Variants in ACTR3 observed in about 807,000 individuals in gnomAD.
ACTR3 encodes actin related protein 3.
Under a neutral mutation model 56.8 loss-of-function variants are expected in ACTR3, and 12 were observed. That is an observed-to-expected ratio of 0.21 (90% confidence interval 0.14 to 0.34). The LOEUF is 0.34. ACTR3 is among the 10% of genes least tolerant of loss of function. The probability of loss-of-function intolerance (pLI) is 1.00; values close to 1 mark genes in which losing one functional copy is unlikely to be tolerated. For missense variants in ACTR3, 282 were observed against 512.5 expected, an observed-to-expected ratio of 0.55 and a Z score of 4.34; for synonymous variants, 162 against 167.4, an observed-to-expected ratio of 0.97 and a Z score of 0.25.
At chr2:113,890,789 C>A in intron 1 of ACTR3, 1 of 1,005,648 alleles carries the variant, frequency 9.9e-7, no homozygotes, top group South Asian at 4.3e-5. Context: ...GTAGGTTTGA[C>A]AAGATCGCTG....
At chr2:113,917,661 T>C (rs1679432004) in intron 3 of ACTR3, among the ~76,000 whole-genome samples, 1 of 152,244 alleles carries the variant, frequency 6.6e-6, no homozygotes, top group African/African-American at 2.4e-5. Flanking sequence ...TTTGCAAATA[T>C]CCTCCTTTGT....
In ACTR3 at chr2:113,941,684, C is replaced by T. The variant is rs564241152; in HGVS notation, c.685-502C>T. On this transcript the variant is annotated intron_variant, in intron 7 of 11. Transcript: ENST00000263238. ...TTAGGTCATATAACCAAATATGCAA[C>T]AAAATAGAGTAATTTATATTTTTAG... Among the ~76,000 whole-genome samples, 3 of 152,222 alleles carry T rather than the reference C, an allele frequency of 2.0e-5. No individual in the cohort carries two copies. The East Asian group carries it at 5.8e-4, about 29-fold the overall frequency.
chr2:113,934,532 C>T, intron 6 of ACTR3, 146 bp downstream of exon 6: 1 of 477,392 alleles, frequency 2.1e-6, no homozygotes, highest in Non-Finnish European at 3.7e-6. Flanking sequence ...GTTTTGCTCA[C>T]CGTTTAAAAC....
At chr2:113,925,264 T>A (rs543799888) in intron 3 of ACTR3, among the ~76,000 whole-genome samples, 78 of 150,172 alleles carry the variant, frequency 5.2e-4, no homozygotes, top group African/African-American at 1.8e-3. Context: ...GGAGTGATCT[T>A]GGCTCACTGC....
chr2:113,915,703 G>C (rs1679392302), intron 2 of ACTR3, among the ~76,000 whole-genome samples: 1 of 152,094 alleles, frequency 6.6e-6, no homozygotes, highest in Non-Finnish European at 1.5e-5. Flanking sequence ...TTGATTTTTT[G>C]AACCATTGGA....
intron 1 of ACTR3, among the ~76,000 whole-genome samples, chr2:113,892,287 C>T (rs540554377): frequency 6.6e-6 from 1 of 152,272 alleles, no homozygotes; most frequent in African/African-American, 2.4e-5. Context: ...TCAATTTAAC[C>T]TAGGCTATTT....
At chr2:113,893,464 TTC>T (rs1678945891) in intron 1 of ACTR3, among the ~76,000 whole-genome samples, 1 of 152,122 alleles carries the variant, frequency 6.6e-6, no homozygotes, top group East Asian at 1.9e-4. Flanking sequence ...CAGTTAATTT[TTC>T]TCTTTTTAGT....
intron 4 of ACTR3, among the ~76,000 whole-genome samples, chr2:113,928,154 C>T (rs892801420): frequency 6.6e-6 from 1 of 152,168 alleles, no homozygotes; most frequent in Non-Finnish European, 1.5e-5. Context: ...CTTTCCCACT[C>T]CTCGCATTGT....
chr2:113,941,480 A>G (rs1679923880), intron 7 of ACTR3, among the ~76,000 whole-genome samples: 1 of 152,144 alleles, frequency 6.6e-6, no homozygotes, highest in Admixed American at 6.5e-5. Context: ...TATTTTGATT[A>G]TTACTGGTAA....
intron 11 of ACTR3, among the ~76,000 whole-genome samples, chr2:113,957,053 C>T (rs1680229269): frequency 6.6e-6 from 1 of 152,182 alleles, no homozygotes; most frequent in Non-Finnish European, 1.5e-5. Context: ...ATGGGAAAGT[C>T]TCAACAGAAC....
intron 3 of ACTR3, 131 bp from the exon 4 acceptor site, chr2:113,927,214 T>C (rs1679638270): frequency 1.9e-6 from 1 of 512,894 alleles, no homozygotes; most frequent in Non-Finnish European, 3.4e-6. Flanking sequence ...TTAAGGATGT[T>C]CTATAGTATC....
intron 3 of ACTR3, among the ~76,000 whole-genome samples, chr2:113,925,254 G>T (rs1679596343): frequency 6.9e-6 from 1 of 144,244 alleles, no homozygotes; most frequent in African/African-American, 2.6e-5. Flanking sequence ...GGAGTGCAAT[G>T]GAGTGATCTT....
chr2:113,913,967 G>A (rs962995014), intron 2 of ACTR3, among the ~76,000 whole-genome samples: 1 of 152,186 alleles, frequency 6.6e-6, no homozygotes, highest in Non-Finnish European at 1.5e-5. Flanking sequence ...TTGTCTTACA[G>A]CCAAATTAAA....
At chr2:113,952,617 C>G (rs1397687049) in intron 10 of ACTR3, 1 of 152,042 alleles carries the variant, frequency 6.6e-6, no homozygotes, top group Admixed American at 6.6e-5. Context: ...CTAGGGTTTG[C>G]TGATTGTTGA....
chr2:113,940,245 AT>A lies in ACTR3; in HGVS notation c.684+147del, dbSNP rs1457237494. The stretch of plus-strand genomic sequence containing the variant: ...AATTATTACCCTTAAATATATTTAC[AT>A]TTTCTTTGTGTTTCTTAAAAGAAAA... On this transcript the variant is annotated intron_variant, in intron 7 of 11. Coordinates refer to ENST00000263238, the MANE Select transcript of ACTR3 (RefSeq NM_005721.5). 1.4e-5 allele frequency: 9 copies of A among 627,970 alleles called. No individual in the cohort carries two copies. The African/African-American group carries it at 1.5e-4, about 11-fold the overall frequency. The allele number at this position is 627,970 out of a possible 1,614,324, so 38.9% of individuals were successfully genotyped here.
intron 4 of ACTR3, among the ~76,000 whole-genome samples, chr2:113,928,341 T>C (rs892906256): frequency 2.0e-5 from 3 of 152,230 alleles, no homozygotes; most frequent in Non-Finnish European, 4.4e-5. Flanking sequence ...TTCACTTCAT[T>C]TTAGTTTTTA....
chr2:113,900,259 A>C (rs1574349983), intron 1 of ACTR3, among the ~76,000 whole-genome samples: 1 of 151,912 alleles, frequency 6.6e-6, no homozygotes, highest in Admixed American at 6.6e-5. Context: ...ACCCCAAAAA[A>C]CCCTACACCC....
Position 113,960,899 on chromosome 2 carries a change from T to C in ACTR3, c.*3444T>C, listed in dbSNP as rs1680313475. ...CAGTTTGGAATACTGTGCCTTAAAA[T>C]ATATTTCATTGTAACAGCACCTTGT... On this transcript the variant is annotated 3_prime_UTR_variant, in exon 12 of 12. Transcript: ENST00000263238. 1 of 152,014 alleles carries C rather than the reference T, an allele frequency of 6.6e-6. No individual in the cohort carries two copies. The highest frequency in any genetic ancestry group is 1.5e-5 in the Non-Finnish European group (1 of 67,926). 9.4% of individuals were successfully genotyped at this position (152,014 alleles called of 1,614,324 possible). A position where few individuals can be genotyped will look rare whatever the true frequency, so the allele number is the denominator to read the frequency against.
At chr2:113,905,651 C>T (rs1679179291) in intron 1 of ACTR3, among the ~76,000 whole-genome samples, 5 of 152,016 alleles carry the variant, frequency 3.3e-5, no homozygotes, top group South Asian at 2.1e-4. Context: ...AGTAACTTCC[C>T]GTTCTCTCCT....
Sources: allele counts gnomAD v4.1 joint callset (sites outside exome capture counted in the v4.1 genomes callset), GRCh38; gene constraint gnomAD v4.1.1; transcripts MANE v1.5; gene names NCBI Gene and HGNC (gene_info 2026-07-23, HGNC 2026-07-21).